NHLRC2: variants seen among roughly 807,000 people sequenced by gnomAD.
NHLRC2 encodes NHL repeat containing 2, also known as NHL repeat-containing protein 2.
NHLRC2 carries 33 observed loss-of-function variants against 68.1 expected under a neutral mutation model. The ratio of observed to expected loss-of-function variants is 0.48; its 90% confidence interval spans 0.37 to 0.65. NHLRC2 has a LOEUF of 0.65. NHLRC2 is among the 30% of genes least tolerant of loss of function. The pLI, the probability that NHLRC2 is intolerant of heterozygous loss-of-function variation, is 0.00. For missense variants in NHLRC2, 761 were observed against 853.8 expected, an observed-to-expected ratio of 0.89 and a Z score of 1.35; for synonymous variants, 311 against 309.6, an observed-to-expected ratio of 1.00 and a Z score of -0.05.
At chr10:113,856,828 C>G (rs549360441) in intron 1 of NHLRC2, among the ~76,000 whole-genome samples, 5 of 152,276 alleles carry the variant, frequency 3.3e-5, no homozygotes, top group Non-Finnish European at 7.4e-5. Flanking sequence ...ATCAGGAAGT[C>G]ATAAACATAA....
At chr10:113,858,996 A>T (rs1482196057) in intron 2 of NHLRC2, 1 of 198,960 alleles carries the variant, frequency 5.0e-6, no homozygotes, top group African/African-American at 2.3e-5. Context: ...AATTTGTTCT[A>T]TTAAAAAAAT....
chr10:113,876,853 C>T lies in NHLRC2; in HGVS notation c.664C>T (p.Pro222Ser). ...KLYKDSLPPSPLLFPGKVTVD... is the reference protein window; with the variant it reads ...KLYKDSLPPSSLLFPGKVTVD... ...CTATAAAGATTCTTTGCCACCTTCA[C>T]CATTGCTATTTCCTGGCAAAGTAAC... The change falls in exon 3 of 11, where the codon CCA becomes TCA. Residue 222 changes from proline to serine, a missense_variant. By Grantham distance (74) the Pro-to-Ser change is moderately conservative. Coordinates refer to ENST00000369301, the MANE Select transcript of NHLRC2 (RefSeq NM_198514.4). The T allele has an allele frequency of 1.9e-6, 3 of 1,612,244 alleles. No individual in the cohort carries two copies. The highest frequency in any genetic ancestry group is 2.5e-6 in the Non-Finnish European group (3 of 1,178,586).
Position 113,866,536 on chromosome 10 carries a change from C to CT in NHLRC2, c.331+7857dup, listed in dbSNP as rs541465030. On this transcript the variant is annotated intron_variant, in intron 2 of 10. Coordinates refer to ENST00000369301, the MANE Select transcript of NHLRC2 (RefSeq NM_198514.4). Reference sequence around the variant, plus strand: ...TTGCTAGGTGTATGTTAATGTATAACTAAGTCAGACTTCTAAAAATCTGAA... The same window carrying CT: ...TTGCTAGGTGTATGTTAATGTATAACTTAAGTCAGACTTCTAAAAATCTGAA... Among the ~76,000 whole-genome samples, 32 of 152,138 alleles carry CT rather than the reference C, an allele frequency of 2.1e-4. No individual in the cohort carries two copies. The East Asian group carries it at 6.0e-3, about 28-fold the overall frequency.
At chr10:113,880,024 T>C (rs1175045800) in intron 4 of NHLRC2, among the ~76,000 whole-genome samples, 1 of 152,106 alleles carries the variant, frequency 6.6e-6, no homozygotes, top group Non-Finnish European at 1.5e-5. Flanking sequence ...AGTTGAATTT[T>C]CTCAAACTAG....
In NHLRC2 at chr10:113,879,674, T is replaced by C. The variant is rs1240765501; in HGVS notation, c.888T>C (p.Thr296=). ...IMNNIIYVAD[T]ENHLIRKIDL... is the part of the protein sequence containing the mutation. The stretch of plus-strand genomic sequence containing the variant: ...ATAATATCATATATGTGGCAGACAC[T>C]GAAAACCACCTTATAAGAAAGGTAA... Residue 296 remains threonine, a synonymous_variant, in exon 4 of 11, where the codon ACT becomes ACC. Transcript: ENST00000369301. 1 of 1,516,016 alleles carries C rather than the reference T, an allele frequency of 6.6e-7. No homozygotes were observed. The highest frequency in any genetic ancestry group is 9.0e-7 in the Non-Finnish European group (1 of 1,110,496). The allele number at this position is 1,516,016 out of a possible 1,614,324, so 93.9% of individuals were successfully genotyped here. A position where few individuals can be genotyped will look rare whatever the true frequency, so the allele number is the denominator to read the frequency against.
intron 2 of NHLRC2, among the ~76,000 whole-genome samples, chr10:113,859,603 T>C (rs2134686328): frequency 6.6e-6 from 1 of 152,336 alleles, no homozygotes; most frequent in Middle Eastern, 3.4e-3. Flanking sequence ...AGAACTCAAA[T>C]ATTTCTACTA....
intron 5 of NHLRC2, among the ~76,000 whole-genome samples, chr10:113,890,804 G>A (rs1287974418): frequency 6.6e-6 from 1 of 152,146 alleles, no homozygotes; most frequent in Non-Finnish European, 1.5e-5. Flanking sequence ...TACTACCTGA[G>A]ACTAGGTAGT....
At chr10:113,898,618 T>C (rs1306823246) in intron 6 of NHLRC2, among the ~76,000 whole-genome samples, 2 of 152,238 alleles carry the variant, frequency 1.3e-5, no homozygotes, top group Non-Finnish European at 2.9e-5. Context: ...ATCATTCTCC[T>C]TACTGTCTAG....
chr10:113,904,274 G>C (rs1305319532), intron 9 of NHLRC2, among the ~76,000 whole-genome samples: 2 of 151,402 alleles, frequency 1.3e-5, no homozygotes, highest in Non-Finnish European at 2.9e-5. Context: ...ATATGGACGT[G>C]GTTTCTTATA....
chr10:113,877,054 A>G, intron 3 of NHLRC2, 78 bp downstream of exon 3: 1 of 836,898 alleles, frequency 1.2e-6, no homozygotes, highest in Non-Finnish European at 1.8e-6. Flanking sequence ...AAAAGTTGAA[A>G]TGTCTAAATG....
rs989743096 is a variant in NHLRC2 at position 113,913,644 on chromosome 10, T to C, written c.*5108T>C. On this transcript the variant is annotated 3_prime_UTR_variant, in exon 11 of 11. Coordinates refer to ENST00000369301, the MANE Select transcript of NHLRC2 (RefSeq NM_198514.4). ...ATCTCAAACCCTAAGAAGCTATTCA[T>C]ATTTAAGAAAATTTTGTTGTATTAA... 4 of 152,170 alleles carry C rather than the reference T, an allele frequency of 2.6e-5. No individual in the cohort carries two copies. Among genetic ancestry groups the C allele is most frequent in the African/African-American group, 9.7e-5 (4 of 41,450 alleles). The allele number at this position is 152,170 out of a possible 1,614,324, so 9.4% of individuals were successfully genotyped here. A position where few individuals can be genotyped will look rare whatever the true frequency, so the allele number is the denominator to read the frequency against.
chr10:113,911,224 T>A lies in NHLRC2; in HGVS notation c.*2688T>A, dbSNP rs1014244562. ...ATTATTCTGCTGGTTTGTCGCTATT[T>A]TTTTCCTCTCCTCTTTATTATTTCA... is the stretch of plus-strand genomic sequence containing the variant. On this transcript the variant is annotated 3_prime_UTR_variant, in exon 11 of 11. Transcript: ENST00000369301. The A allele has an allele frequency of 2.6e-4, 40 of 152,138 alleles. No individual in the cohort carries two copies. Among genetic ancestry groups the A allele is most frequent in the African/African-American group, 9.6e-4 (40 of 41,456 alleles). 9.4% of individuals were successfully genotyped at this position (152,138 alleles called of 1,614,324 possible).
Position 113,908,295 on chromosome 10 carries a change from T to G in NHLRC2, c.1940T>G (p.Leu647Arg). The change falls in exon 11 of 11, where the codon CTT becomes CGT. Residue 647 changes from leucine (L) to arginine (R), a missense_variant. Physicochemically the swap from Leu to Arg is moderately radical, Grantham distance 102. Coordinates refer to ENST00000369301, the MANE Select transcript of NHLRC2 (RefSeq NM_198514.4). ...FLTAEGNEWL[L>R]QGQIAAGDIE... The stretch of plus-strand genomic sequence containing the variant: ...TGATTTTTAGGCAATGAATGGCTAC[T>G]TCAAGGACAGATAGCAGCTGGAGAT... 6.2e-7 allele frequency: 1 copy of G among 1,613,578 alleles called. No homozygotes were observed.
Position 113,904,875 on chromosome 10 carries a change from A to G in NHLRC2, c.1763A>G (p.Gln588Arg), listed in dbSNP as rs755351702. 3 of 1,613,336 alleles carry G rather than the reference A, an allele frequency of 1.9e-6. No homozygotes were observed. Among genetic ancestry groups the G allele is most frequent in the African/African-American group, 2.7e-5 (2 of 74,888 alleles). The change falls in exon 10 of 11, where the codon CAG becomes CGG. Residue 588 changes from glutamine (Q) to arginine (R), a missense_variant. By Grantham distance (43) the Gln-to-Arg change is conservative. Transcript: ENST00000369301. ...GATGGCCCGTTCCTAGTAGAAAAAC[A>G]GAAGACATTACCCAAACTACCTAAA... is the stretch of plus-strand genomic sequence containing the variant. ...VVDGPFLVEKQKTLPKLPKSA... is the reference protein window; with the variant it reads ...VVDGPFLVEKRKTLPKLPKSA...
At chr10:113,895,968 A>G (rs796811128) in intron 5 of NHLRC2, among the ~76,000 whole-genome samples, 10 of 152,286 alleles carry the variant, frequency 6.6e-5, no homozygotes, top group South Asian at 4.1e-4. Flanking sequence ...ACAATGAGAT[A>G]CCATCTCACA....
chr10:113,890,527 AT>A (rs1172989619), intron 5 of NHLRC2, among the ~76,000 whole-genome samples: 1 of 152,036 alleles, frequency 6.6e-6, no homozygotes, highest in Non-Finnish European at 1.5e-5. Context: ...TTGTCAAGAA[AT>A]TCTCACTCAT....
chr10:113,907,788 A>G (rs539218141), intron 10 of NHLRC2, among the ~76,000 whole-genome samples: 1 of 152,294 alleles, frequency 6.6e-6, no homozygotes, highest in South Asian at 2.1e-4. Flanking sequence ...TTAGATATTC[A>G]ATAATTCATT....
intron 5 of NHLRC2, among the ~76,000 whole-genome samples, chr10:113,886,967 A>G (rs894485711): frequency 6.6e-6 from 1 of 152,246 alleles, no homozygotes; most frequent in African/African-American, 2.4e-5. Flanking sequence ...TCTGCAAACC[A>G]TATAACCAAT....
At chr10:113,905,811 C>A (rs1389529564) in intron 10 of NHLRC2, among the ~76,000 whole-genome samples, 1 of 152,140 alleles carries the variant, frequency 6.6e-6, no homozygotes, top group Non-Finnish European at 1.5e-5. Context: ...CACTGGCCTG[C>A]AATTATAATA....
Sources: allele counts gnomAD v4.1 joint callset (sites outside exome capture counted in the v4.1 genomes callset), GRCh38; gene constraint gnomAD v4.1.1; transcripts MANE v1.5; gene names NCBI Gene and HGNC (gene_info 2026-07-23, HGNC 2026-07-21).